EXD3: variants seen among roughly 807,000 people sequenced by gnomAD.
The protein encoded by EXD3 is exonuclease 3'-5' domain containing 3.
EXD3 carries 92 observed loss-of-function variants against 98.0 expected under a neutral mutation model. That is an observed-to-expected ratio of 0.94 (90% confidence interval 0.79 to 1.12). The LOEUF (loss-of-function observed/expected upper bound fraction) is 1.12, where lower values mean the gene tolerates loss of function less well. EXD3 is among the 50% of genes most tolerant of loss of function. EXD3 has a pLI of 0.00. For synonymous variants in EXD3, 569 were observed against 526.0 expected (o/e 1.08, Z -1.12); for missense variants, 1,222 against 1,191.6 (o/e 1.03, Z -0.38).
Position 137,395,288 on chromosome 9 carries a change from C to G in EXD3, c.55+15G>C. ...CAGCCCCAGGGAGACTCGGCACCAT[C>G]AGGCTCAGACTCACCCATGCGGTGG... On this transcript the variant is annotated intron_variant, in intron 2 of 21. Coordinates refer to ENST00000340951, the MANE Select transcript of EXD3 (RefSeq NM_017820.5). The surrounding 1 kb of genome is among the most constrained non-coding windows in gnomAD (Gnocchi z 6.5). The G allele has an allele frequency of 6.2e-7, 1 of 1,611,048 alleles. No individual in the cohort carries two copies.
intron 2 of EXD3, among the ~76,000 whole-genome samples, chr9:137,389,280 C>T (rs899227994): frequency 6.6e-6 from 1 of 152,140 alleles, no homozygotes; most frequent in Non-Finnish European, 1.5e-5. Flanking sequence ...CAGAGGACCG[C>T]CCGTGTCTGG....
At position 137,347,237 on chromosome 9, in the gene EXD3, TCA is replaced by T. The variant is rs1833984593; in HGVS notation, c.1998+832_1998+833del. The stretch of plus-strand genomic sequence containing the variant: ...TCTGCTCAGGGTCTCATGGCTGAAA[TCA>T]CAGTGTTCGCGACGGCAGGCTCCTC... On this transcript the variant is annotated intron_variant, in intron 17 of 21. Transcript: ENST00000340951. The surrounding 1 kb of genome is among the most constrained non-coding windows in gnomAD (Gnocchi z 4.2). Among the ~76,000 whole-genome samples the T allele has an allele frequency of 6.6e-6, 1 of 152,194 alleles. No individual in the cohort carries two copies. Among genetic ancestry groups the T allele is most frequent in the Non-Finnish European group, 1.5e-5 (1 of 68,036 alleles).
In EXD3 at chr9:137,404,319, G is replaced by C. The variant is rs145070376; in HGVS notation, c.-47-8915C>G. Among the ~76,000 whole-genome samples the C allele has an allele frequency of 6.7e-3, 1,024 of 152,252 alleles. 7 individuals carry two copies. The highest frequency in any genetic ancestry group is 0.011 in the Non-Finnish European group (770 of 68,016). On this transcript the variant is annotated intron_variant, in intron 1 of 21. Coordinates refer to ENST00000340951, the MANE Select transcript of EXD3 (RefSeq NM_017820.5). ...CTCCCCACGCCAGCTCTTGGGGAAG[G>C]GTCAGGGAGCCCACAAGGCCTCTGC...
chr9:137,351,029 G>T lies in EXD3; in HGVS notation c.1494+9C>A. ...CCGGCATCTTGTGAGCGGCTCAGTG[G>T]GTGCCCACCTGTCTGTGCACCAGCA... is the stretch of plus-strand genomic sequence containing the variant. On this transcript the variant is annotated intron_variant, in intron 14 of 21. Transcript: ENST00000340951. The T allele has an allele frequency of 6.4e-7, 1 of 1,552,816 alleles. No homozygotes were observed. The highest frequency in any genetic ancestry group is 2.4e-5 in the East Asian group (1 of 41,130).
chr9:137,343,679 C>T (rs888395144), intron 17 of EXD3, among the ~76,000 whole-genome samples: 1 of 135,356 alleles, frequency 7.4e-6, no homozygotes, highest in African/African-American at 2.8e-5. Flanking sequence ...AGCTCTGCCT[C>T]CCGGGTTCAT....
rs111654772 is a variant in EXD3 at position 137,399,025 on chromosome 9, C to T, written c.-47-3621G>A. Among the ~76,000 whole-genome samples the T allele has an allele frequency of 7.8e-3, 1,195 of 152,306 alleles. 20 individuals are homozygous for T. The highest frequency in any genetic ancestry group is 0.027 in the African/African-American group (1,113 of 41,564). ...CAACATCCTCGTAACACGTGCACAC[C>T]GACATCCCCGTGACATACACAGACT... On this transcript the variant is annotated intron_variant, in intron 1 of 21. Coordinates refer to ENST00000340951, the MANE Select transcript of EXD3 (RefSeq NM_017820.5).
rs1173055961 is a variant in EXD3, at chr9:137,385,414, G to A, written c.56-2037C>T. Reference sequence around the variant, plus strand: ...ATGGCTGGCGATGGGGCCAGGGTGGGCTGGGCGGGGCGTGCTGTGGTGTGT... The same window carrying A: ...ATGGCTGGCGATGGGGCCAGGGTGGACTGGGCGGGGCGTGCTGTGGTGTGT... On this transcript the variant is annotated intron_variant, in intron 2 of 21. Coordinates refer to ENST00000340951, the MANE Select transcript of EXD3 (RefSeq NM_017820.5). This position sits in a 1 kb window ranked among gnomAD's most constrained non-coding sequence, Gnocchi z 4.4. Among the ~76,000 whole-genome samples the A allele has an allele frequency of 1.3e-5, 2 of 151,980 alleles. No homozygotes were observed. The highest frequency in any genetic ancestry group is 6.6e-5 in the Admixed American group (1 of 15,266).
Position 137,352,830 on chromosome 9 carries a change from G to A in EXD3, c.871-44C>T, listed in dbSNP as rs1424388552. On this transcript the variant is annotated intron_variant, in intron 10 of 21. Coordinates refer to ENST00000340951, the MANE Select transcript of EXD3 (RefSeq NM_017820.5). ...TGAGGATGGAGATGGGGACATTGCT[G>A]TGCCACAGGGCCCTGCCCCGAGGGA... is the stretch of plus-strand genomic sequence containing the variant. 30 of 1,553,026 alleles carry A rather than the reference G, an allele frequency of 1.9e-5. 1 individual carries two copies. The East Asian group carries it at 6.9e-4, about 36-fold the overall frequency.
chr9:137,367,141 C>T (rs1352453726), intron 6 of EXD3, among the ~76,000 whole-genome samples: 1 of 152,194 alleles, frequency 6.6e-6, no homozygotes, highest in Non-Finnish European at 1.5e-5. Context: ...GAAGACTCCT[C>T]ACCTCCCTTC....
At position 137,331,554 on chromosome 9, in the gene EXD3, C is replaced by T. The variant is rs531935335; in HGVS notation, c.1999-7411G>A. 2.2e-3 allele frequency among the ~76,000 whole-genome samples: 341 copies of T among 152,278 alleles called. 1 individual carries two copies. Among genetic ancestry groups the T allele is most frequent in the Middle Eastern group, 6.8e-3 (2 of 294 alleles). ...GACTCCTCGATTTGACAAATGGATT[C>T]GGTGAAGTCTCAGGTTACAAAATAA... On this transcript the variant is annotated intron_variant, in intron 17 of 21. Coordinates refer to ENST00000340951, the MANE Select transcript of EXD3 (RefSeq NM_017820.5).
rs151173143 is a variant in EXD3, at chr9:137,387,682, C to T, written c.56-4305G>A. Among the ~76,000 whole-genome samples, 26 of 152,268 alleles carry T rather than the reference C, an allele frequency of 1.7e-4. No individual in the cohort carries two copies. In the East Asian group the frequency reaches 3.1e-3, roughly 18 times the overall value. ...AACTCAGGGATACCACGCAGGGGCA[C>T]GGGGTCCGAGAAGGGCGGGTGGGGC... On this transcript the variant is annotated intron_variant, in intron 2 of 21. Coordinates refer to ENST00000340951, the MANE Select transcript of EXD3 (RefSeq NM_017820.5).
chr9:137,319,667 C>T (rs539206372), intron 19 of EXD3, among the ~76,000 whole-genome samples: 54 of 152,324 alleles, frequency 3.5e-4, no homozygotes, highest in Non-Finnish European at 6.2e-4. Context: ...CGGGTGCGCA[C>T]ATGGGACCCT....
In EXD3 at chr9:137,365,725, AACAC is replaced by A. The variant is rs565118417; in HGVS notation, c.656+764_656+767del. The A allele has an allele frequency of 1.5e-4, 44 of 296,962 alleles. No individual in the cohort carries two copies. In the Admixed American group the frequency reaches 2.0e-3, roughly 13 times the overall value. The allele number at this position is 296,962 out of a possible 1,614,324, so 18.4% of individuals were successfully genotyped here. A position where few individuals can be genotyped will look rare whatever the true frequency, so the allele number is the denominator to read the frequency against. ...ACACACCCATGCACACACACATACA[AACAC>A]ACACCTACAGGCACACACATACATG... On this transcript the variant is annotated intron_variant, in intron 7 of 21. Transcript: ENST00000340951.
intron 1 of EXD3, among the ~76,000 whole-genome samples, chr9:137,406,987 C>CCTGTGACCGGGAAGGCCCCGCATCTG (rs1837744948): frequency 6.6e-6 from 1 of 152,116 alleles, no homozygotes; most frequent in Non-Finnish European, 1.5e-5. Flanking sequence ...GTCCCAGGGT[C>CCTGTGACCGGGAAGGCCCCGCATCTG]CTGTGACCGG....
Position 137,405,586 on chromosome 9 carries a change from A to G in EXD3, c.-47-10182T>C, listed in dbSNP as rs1303911020. Among the ~76,000 whole-genome samples the G allele has an allele frequency of 6.6e-6, 1 of 152,250 alleles. No homozygotes were observed. Among genetic ancestry groups the G allele is most frequent in the Admixed American group, 6.5e-5 (1 of 15,288 alleles). ...AAGAAATGCCAGGCTCTGGGCTGAG[A>G]GGCAGAAGGCTCAGGCACAGCTCCC... On this transcript the variant is annotated intron_variant, in intron 1 of 21. Coordinates refer to ENST00000340951, the MANE Select transcript of EXD3 (RefSeq NM_017820.5). This position sits in a 1 kb window ranked among gnomAD's most constrained non-coding sequence, Gnocchi z 4.1.
chr9:137,355,510 G>C (rs1834634223), intron 8 of EXD3, among the ~76,000 whole-genome samples: 1 of 140,066 alleles, frequency 7.1e-6, no homozygotes, highest in Admixed American at 6.9e-5. Context: ...GGAGGAAGGA[G>C]GAAGGAGGAA....
intron 1 of EXD3, among the ~76,000 whole-genome samples, chr9:137,400,818 AG>A: frequency 6.6e-6 from 1 of 152,132 alleles, no homozygotes; most frequent in Non-Finnish European, 1.5e-5. Flanking sequence ...AAGGGATTAC[AG>A]GGCCCACGCA....
rs572242584 is a variant in EXD3 at position 137,308,634 on chromosome 9, CTT to C, written c.2278+971_2278+972del. On this transcript the variant is annotated intron_variant, in intron 20 of 21. Transcript: ENST00000340951. ...CTCCCACCCTGAACTTGGACTGACC[CTT>C]TTTTTTTTTTTTTTTTTGGAGACGG... Among the ~76,000 whole-genome samples the C allele has an allele frequency of 1.9e-3, 256 of 135,916 alleles. 3 individuals carry two copies. The highest frequency in any genetic ancestry group is 1.4e-3 in the Non-Finnish European group (89 of 63,096). 89.2% of individuals were successfully genotyped at this position (135,916 alleles called of 152,430 possible). A position where few individuals can be genotyped will look rare whatever the true frequency, so the allele number is the denominator to read the frequency against.
chr9:137,316,176 G>C (rs1010377868), intron 19 of EXD3, among the ~76,000 whole-genome samples: 1 of 151,720 alleles, frequency 6.6e-6, no homozygotes. Context: ...GCCGGGCCGC[G>C]TGGGAAAGTG....
Sources: allele counts gnomAD v4.1 joint callset (sites outside exome capture counted in the v4.1 genomes callset), GRCh38; gene constraint gnomAD v4.1.1; non-coding constraint Gnocchi (gnomAD v3.1); transcripts MANE v1.5; gene names NCBI Gene and HGNC (gene_info 2026-07-23, HGNC 2026-07-21).